Variants in CALN1 observed in about 807,000 individuals in gnomAD.
CALN1 encodes calneuron 1.
In CALN1, 17 loss-of-function variants were observed where a neutral mutation model predicts 30.6. That is an observed-to-expected ratio of 0.56 (90% CI 0.38 to 0.83). The LOEUF (loss-of-function observed/expected upper bound fraction) is 0.83. CALN1 is among the 40% of genes least tolerant of loss of function. The pLI is 0.00. For missense variants in CALN1, 291 were observed against 354.9 expected, an observed-to-expected ratio of 0.82 and a Z score of 1.45; for synonymous variants, 156 against 131.4, an observed-to-expected ratio of 1.19 and a Z score of -1.28.
intron 2 of CALN1, among the ~76,000 whole-genome samples, chr7:72,357,330 C>T (rs931788367): frequency 4.6e-5 from 7 of 152,028 alleles, no homozygotes; most frequent in African/African-American, 1.5e-4. Context: ...AGAAAGGTTC[C>T]TCCTGCACCA....
At chr7:72,091,068 C>T (rs1318700870) in intron 4 of CALN1, among the ~76,000 whole-genome samples, 1 of 152,102 alleles carries the variant, frequency 6.6e-6, no homozygotes, top group Admixed American at 6.5e-5. Flanking sequence ...TGGCTCATGC[C>T]TGTAATCCCA....
chr7:72,336,408 C>T (rs1802041027), intron 2 of CALN1, among the ~76,000 whole-genome samples: 1 of 152,102 alleles, frequency 6.6e-6, no homozygotes, highest in African/African-American at 2.4e-5. Flanking sequence ...CGCACGGTGC[C>T]GGGACAGCCG....
At chr7:72,411,912 G>C (rs931800229) in intron 1 of CALN1, 146 bp downstream of exon 1, 1 of 152,236 alleles carries the variant, frequency 6.6e-6, no homozygotes, top group African/African-American at 2.4e-5. Context: ...ATCATAAACC[G>C]ATAAAGAAAA....
At chr7:72,402,827 A>G (rs1806433354) in intron 2 of CALN1, among the ~76,000 whole-genome samples, 1 of 152,150 alleles carries the variant, frequency 6.6e-6, no homozygotes, top group Non-Finnish European at 1.5e-5. Context: ...TTTGGCTGTG[A>G]TCTCAGTCAA....
At chr7:72,288,116 T>C (rs931611698) in intron 2 of CALN1, among the ~76,000 whole-genome samples, 3 of 152,104 alleles carry the variant, frequency 2.0e-5, no homozygotes, top group African/African-American at 7.2e-5. Flanking sequence ...TCTCCTCTGA[T>C]TGCGGTCAAG....
the CALN1 span, among the ~76,000 whole-genome samples, chr7:72,484,766 A>T: frequency 6.6e-6 from 1 of 152,118 alleles, no homozygotes; most frequent in Admixed American, 6.6e-5. Flanking sequence ...CTGCCTGAGT[A>T]CTCTCAGAGA....
intron 2 of CALN1, among the ~76,000 whole-genome samples, chr7:72,304,308 G>A (rs1799500828): frequency 6.6e-6 from 1 of 152,212 alleles, no homozygotes; most frequent in Non-Finnish European, 1.5e-5. Flanking sequence ...AGAGGATGGA[G>A]AGATCCCATT....
At chr7:71,955,979 G>A (rs1384772820) in intron 5 of CALN1, among the ~76,000 whole-genome samples, 1 of 124,078 alleles carries the variant, frequency 8.1e-6, no homozygotes. Context: ...ACTGGGCCAT[G>A]TATGTTCTGG....
chr7:71,937,413 C>T (rs961733348), intron 5 of CALN1, among the ~76,000 whole-genome samples: 2 of 141,596 alleles, frequency 1.4e-5, no homozygotes, highest in Non-Finnish European at 3.1e-5. Context: ...TATACAGACA[C>T]ATATAAATAT....
intron 2 of CALN1, among the ~76,000 whole-genome samples, chr7:72,381,774 G>A (rs1050437350): frequency 2.6e-5 from 4 of 152,060 alleles, no homozygotes; most frequent in Non-Finnish European, 4.4e-5. Context: ...CCTAGATGAC[G>A]GGTTGATAGG....
At chr7:71,900,199 G>A (rs1338480889) in intron 5 of CALN1, among the ~76,000 whole-genome samples, 1 of 152,072 alleles carries the variant, frequency 6.6e-6, no homozygotes, top group African/African-American at 2.4e-5. Context: ...AGCAGTTAAG[G>A]TCATAGAAAA....
At chr7:72,443,880 G>C (rs1808437294) in intron 1 of CALN1, among the ~76,000 whole-genome samples, 1 of 146,020 alleles carries the variant, frequency 6.8e-6, no homozygotes, top group Non-Finnish European at 1.5e-5. Flanking sequence ...TTTCTCTCTT[G>C]TTGCCCAGGC....
chr7:71,930,658 G>A lies in CALN1; in HGVS notation c.501+92999C>T, dbSNP rs1192986916. On this transcript the variant is annotated intron_variant, in intron 5 of 6. Transcript: ENST00000395275. ...TATATTTACTTCTAAGAGTTTTATC[G>A]TTTCAGATCTGGAATTTAGGTCTTT... is the stretch of plus-strand genomic sequence containing the variant. 4.6e-5 allele frequency among the ~76,000 whole-genome samples: 7 copies of A among 151,984 alleles called. No individual in the cohort carries two copies. In the South Asian group the frequency reaches 6.2e-4, roughly 14 times the overall value.
intron 4 of CALN1, among the ~76,000 whole-genome samples, chr7:72,031,162 G>A (rs1396181984): frequency 1.3e-5 from 2 of 152,080 alleles, no homozygotes; most frequent in East Asian, 1.9e-4. Context: ...CTTTCAAAAG[G>A]TCACTCACTG....
At chr7:72,382,755 A>G (rs1270879247) in intron 2 of CALN1, among the ~76,000 whole-genome samples, 1 of 152,084 alleles carries the variant, frequency 6.6e-6, no homozygotes, top group African/African-American at 2.4e-5. Context: ...CTAGCATGAT[A>G]GTCTCCCAGG....
At chr7:72,066,574 C>T (rs989489374) in intron 4 of CALN1, among the ~76,000 whole-genome samples, 9 of 151,992 alleles carry the variant, frequency 5.9e-5, no homozygotes, top group Non-Finnish European at 1.5e-5. Context: ...CAAATGCAAC[C>T]GTACCTGCTT....
chr7:72,143,025 A>G (rs1810071995), intron 3 of CALN1, among the ~76,000 whole-genome samples: 1 of 152,192 alleles, frequency 6.6e-6, no homozygotes, highest in Non-Finnish European at 1.5e-5. Flanking sequence ...AAGATGGGGA[A>G]AAAACAGAGC....
At chr7:72,001,304 A>C (rs897798490) in intron 5 of CALN1, among the ~76,000 whole-genome samples, 3 of 152,212 alleles carry the variant, frequency 2.0e-5, no homozygotes, top group Non-Finnish European at 4.4e-5. Flanking sequence ...CAGCTTCTCA[A>C]TAAGATCTCA....
intron 1 of CALN1, among the ~76,000 whole-genome samples, chr7:72,407,506 G>A (rs1417540119): frequency 6.6e-6 from 1 of 152,162 alleles, no homozygotes; most frequent in East Asian, 1.9e-4. Context: ...GCAAGTGTGT[G>A]CAAACAACTT....
Sources: gnomAD v4.1 joint callset for allele counts (sites outside exome capture counted in the v4.1 genomes callset) on GRCh38, gnomAD v4.1.1 for gene constraint, MANE v1.5 for transcripts, NCBI Gene and HGNC (gene_info 2026-07-23, HGNC 2026-07-21) for gene names.